TAS2R1: variants seen among roughly 807,000 people sequenced by gnomAD.
TAS2R1 encodes taste receptor type 2 member 1.
For missense variants in TAS2R1, 370 were observed against 353.4 expected (o/e 1.05, Z -0.38); for synonymous variants, 141 against 134.2 (o/e 1.05, Z -0.35).
chr5:9,670,557 T>G (rs1438407026), intron 1 of TAS2R1, among the ~76,000 whole-genome samples: 7 of 152,202 alleles, frequency 4.6e-5, no homozygotes, highest in African/African-American at 1.7e-4. Context: ...GGCTGCCCAC[T>G]TCATGAATCA....
At chr5:9,687,315 C>T (rs1281113377) in intron 1 of TAS2R1, among the ~76,000 whole-genome samples, 4 of 152,130 alleles carry the variant, frequency 2.6e-5, no homozygotes, top group Admixed American at 2.6e-4. Context: ...AACAAGCATG[C>T]TTTATTTTAA....
the TAS2R1 span, among the ~76,000 whole-genome samples, chr5:9,752,510 T>C: frequency 6.6e-6 from 1 of 152,280 alleles, no homozygotes; most frequent in Admixed American, 6.5e-5. Flanking sequence ...ATTGTTTTTA[T>C]GCATGAATGA....
chr5:9,638,696 T>A (rs552949656), intron 2 of TAS2R1, among the ~76,000 whole-genome samples: 3 of 152,256 alleles, frequency 2.0e-5, no homozygotes, highest in African/African-American at 4.8e-5. Context: ...AGAATTTCTA[T>A]GTCTTGAGTT....
At chr5:9,651,037 T>C (rs1297000142) in intron 2 of TAS2R1, among the ~76,000 whole-genome samples, 1 of 152,214 alleles carries the variant, frequency 6.6e-6, no homozygotes, top group Non-Finnish European at 1.5e-5. Context: ...TGGCTATTGT[T>C]CTGAACACTT....
intron 2 of TAS2R1, among the ~76,000 whole-genome samples, chr5:9,650,576 G>A (rs1740285447): frequency 6.6e-6 from 1 of 152,148 alleles, no homozygotes; most frequent in Non-Finnish European, 1.5e-5. Context: ...GTGCACATAT[G>A]CTGTCCGTGA....
chr5:9,762,238 C>G, the TAS2R1 span, among the ~76,000 whole-genome samples: 2 of 152,180 alleles, frequency 1.3e-5, no homozygotes, highest in South Asian at 4.1e-4. Context: ...TCTTCCACCT[C>G]CACATACAAC....
chr5:9,733,471 A>G, the TAS2R1 span, among the ~76,000 whole-genome samples: 1 of 152,250 alleles, frequency 6.6e-6, no homozygotes. Flanking sequence ...GGCAATAGTC[A>G]AAGTCAAAAT....
intron 1 of TAS2R1, among the ~76,000 whole-genome samples, chr5:9,693,843 G>A (rs116775157): frequency 0.043 from 6,513 of 152,226 alleles, 245 homozygotes; most frequent in African/African-American, 0.097. Flanking sequence ...TTTTTATACA[G>A]TGTTGGTTGT....
chr5:9,689,824 TCTC>T (rs1051118665), intron 1 of TAS2R1, among the ~76,000 whole-genome samples: 11 of 152,216 alleles, frequency 7.2e-5, no homozygotes, highest in Non-Finnish European at 2.9e-5. Flanking sequence ...TACAAATTCA[TCTC>T]CTAATAAGAT....
At chr5:9,839,736 T>C in the TAS2R1 span, among the ~76,000 whole-genome samples, 3 of 152,124 alleles carry the variant, frequency 2.0e-5, no homozygotes, top group Non-Finnish European at 4.4e-5. Context: ...GCATGTGCAG[T>C]GCTGTCAGAA....
chr5:9,739,834 T>C, the TAS2R1 span, among the ~76,000 whole-genome samples: 2 of 152,138 alleles, frequency 1.3e-5, no homozygotes, highest in African/African-American at 4.8e-5. Context: ...TCAGGATGAG[T>C]CTTACAATCC....
At chr5:9,744,969 T>C in the TAS2R1 span, among the ~76,000 whole-genome samples, 1 of 152,202 alleles carries the variant, frequency 6.6e-6, no homozygotes, top group African/African-American at 2.4e-5. Context: ...GATGGACTGA[T>C]AGGTTGAAAC....
chr5:9,834,933 C>T, the TAS2R1 span, among the ~76,000 whole-genome samples: 2 of 152,102 alleles, frequency 1.3e-5, no homozygotes, highest in African/African-American at 4.8e-5. Flanking sequence ...TAAAACGAGC[C>T]TAATGTTTAA....
At chr5:9,881,464 A>G in the TAS2R1 span, among the ~76,000 whole-genome samples, 3 of 152,232 alleles carry the variant, frequency 2.0e-5, no homozygotes, top group Non-Finnish European at 2.9e-5. Context: ...TGCTATTCCC[A>G]TTAAACAACC....
At chr5:9,723,309 G>A in the TAS2R1 span, among the ~76,000 whole-genome samples, 1 of 152,180 alleles carries the variant, frequency 6.6e-6, no homozygotes, top group Non-Finnish European at 1.5e-5. Flanking sequence ...ATTATCGTGG[G>A]CTTCTAGTCT....
At chr5:9,796,702 A>T in the TAS2R1 span, among the ~76,000 whole-genome samples, 1 of 145,032 alleles carries the variant, frequency 6.9e-6, no homozygotes, top group Non-Finnish European at 1.5e-5. Context: ...TCTTTGGCGC[A>T]GAAAATAGCT....
At chr5:9,865,056 C>T in the TAS2R1 span, among the ~76,000 whole-genome samples, 1 of 152,146 alleles carries the variant, frequency 6.6e-6, no homozygotes, top group Admixed American at 6.5e-5. Context: ...GAAATAAAAG[C>T]AGGAGTTGGA....
At chr5:9,802,288 CAGTAGCTCCTCTGCGTGGCT>C in the TAS2R1 span, among the ~76,000 whole-genome samples, 1 of 152,172 alleles carries the variant, frequency 6.6e-6, no homozygotes, top group Non-Finnish European at 1.5e-5. Flanking sequence ...GCCCAGAGCT[CAGTAGCTCCTCTGCGTGGCT>C]AGACCCAGAA....
the TAS2R1 span, among the ~76,000 whole-genome samples, chr5:9,767,635 C>A: frequency 6.6e-6 from 1 of 152,150 alleles, no homozygotes; most frequent in African/African-American, 2.4e-5. Flanking sequence ...GTCACCCATT[C>A]AAAACCAGAT....
Sources: gnomAD v4.1 joint callset for allele counts (sites outside exome capture counted in the v4.1 genomes callset) on GRCh38, gnomAD v4.1.1 for gene constraint, MANE v1.5 for transcripts, NCBI Gene and HGNC (gene_info 2026-07-23, HGNC 2026-07-21) for gene names.